WDR19: variants seen among roughly 807,000 people sequenced by gnomAD.
WDR19 encodes WD repeat-containing protein 19.
A neutral mutation model predicts 180.0 loss-of-function variants in WDR19; 121 were observed. The observed-to-expected ratio is 0.67, with a 90% confidence interval of 0.58 to 0.78. WDR19 has a LOEUF of 0.78. WDR19 is among the 30% of genes least tolerant of loss of function. The pLI, the probability that WDR19 is intolerant of heterozygous loss-of-function variation, is 0.00. For missense variants in WDR19, 1,450 were observed against 1,640.7 expected (o/e 0.88, Z 2.01); for synonymous variants, 497 against 540.7 (o/e 0.92, Z 1.12).
chr4:39,200,812 C>G (rs6822527), intron 6 of WDR19, among the ~76,000 whole-genome samples: 147,755 of 152,314 alleles, frequency 0.97, 71,823 homozygotes, highest in Middle Eastern at 1. Context: ...GGCCATCTTA[C>G]AGGCTGCTGA....
At chr4:39,186,662 A>G (rs1486572161) in intron 3 of WDR19, 58 bp downstream of exon 3, 1 of 1,161,144 alleles carries the variant, frequency 8.6e-7, no homozygotes, top group Non-Finnish European at 1.2e-6. Context: ...AAAAGATTAA[A>G]AAAATACTGC....
intron 21 of WDR19, 88 bp downstream of exon 21, chr4:39,240,422 G>C: frequency 1.3e-6 from 1 of 747,192 alleles, no homozygotes; most frequent in Non-Finnish European, 1.9e-6. Flanking sequence ...TATTTGTATT[G>C]TATTTAATAT....
intron 6 of WDR19, among the ~76,000 whole-genome samples, chr4:39,202,286 T>C (rs1158661809): frequency 1.3e-5 from 2 of 152,224 alleles, no homozygotes; most frequent in African/African-American, 4.8e-5. Flanking sequence ...CATCTGTGTA[T>C]ACATTGAGTT....
chr4:39,238,758 C>T (rs755978765), intron 20 of WDR19, among the ~76,000 whole-genome samples: 3 of 150,242 alleles, frequency 2.0e-5, no homozygotes, highest in Admixed American at 2.0e-4. Flanking sequence ...CTTGCCTAAG[C>T]TGATAAAGTA....
intron 4 of WDR19, among the ~76,000 whole-genome samples, chr4:39,191,857 A>G (rs1006526835): frequency 6.6e-6 from 1 of 152,186 alleles, no homozygotes; most frequent in African/African-American, 2.4e-5. Context: ...TGTAACCTGT[A>G]CATTTCCCTA....
chr4:39,221,159 G>T (rs1318057468), intron 14 of WDR19, among the ~76,000 whole-genome samples: 2 of 152,038 alleles, frequency 1.3e-5, no homozygotes, highest in African/African-American at 4.8e-5. Context: ...CATATATCAG[G>T]TAATTTGGTG....
chr4:39,226,870 A>C (rs1371891568), intron 15 of WDR19, among the ~76,000 whole-genome samples: 1 of 152,208 alleles, frequency 6.6e-6, no homozygotes, highest in African/African-American at 2.4e-5. Flanking sequence ...TTAACCCTTG[A>C]GGAATCGCCA....
chr4:39,240,387 G>A (rs1207586070), intron 21 of WDR19, 53 bp downstream of exon 21: 17 of 1,142,352 alleles, frequency 1.5e-5, no homozygotes, highest in Non-Finnish European at 2.0e-5. Flanking sequence ...TTTGTTTTCA[G>A]TTTCATTTTT....
intron 24 of WDR19, among the ~76,000 whole-genome samples, chr4:39,246,849 G>A (rs950459810): frequency 1.4e-4 from 21 of 152,196 alleles, no homozygotes; most frequent in African/African-American, 4.8e-4. Context: ...TAAACAAAGC[G>A]GCCAGGAAGC....
chr4:39,194,659 G>C lies in WDR19; in HGVS notation c.406G>C (p.Gly136Arg). 1 of 1,593,230 alleles carries C rather than the reference G, an allele frequency of 6.3e-7. No individual in the cohort carries two copies. Among genetic ancestry groups the C allele is most frequent in the Non-Finnish European group, 8.6e-7 (1 of 1,163,042 alleles). The change falls in exon 5 of 37, where the codon GGA becomes CGA. Residue 136 changes from glycine (G) to arginine (R), a missense_variant and splice_region_variant. Transcript: ENST00000399820. ...HQTSRKIPVL[G>R]KHTKRITCGC... ...GACATCTCGAAAGATTCCTGTCCTTGGTAGGTGATAGCTGGAAACACTGCT... is the reference window on the plus strand; with the variant it reads ...GACATCTCGAAAGATTCCTGTCCTTCGTAGGTGATAGCTGGAAACACTGCT...
At chr4:39,284,331 A>ATTTTTTTTTTTTTTTT (rs143848496) in intron 36 of WDR19, among the ~76,000 whole-genome samples, 1 of 91,530 alleles carries the variant, frequency 1.1e-5, no homozygotes, top group African/African-American at 4.5e-5. Context: ...AGTAAAAAAA[A>ATTTTTTTTTTTTTTTT]TTTTTTTTTT....
In WDR19 at chr4:39,204,429, A is replaced by G. The variant is rs139581553; in HGVS notation, c.603+707A>G. Among the ~76,000 whole-genome samples, 32 of 152,312 alleles carry G rather than the reference A, an allele frequency of 2.1e-4. 1 individual carries two copies. In the East Asian group the frequency reaches 3.5e-3, roughly 17 times the overall value. Reference sequence around the variant, plus strand: ...AATACTTAGATGCATCTTCCCTGCCACATCTTAACATTCTGAAATCAGTAT... The same window carrying G: ...AATACTTAGATGCATCTTCCCTGCCGCATCTTAACATTCTGAAATCAGTAT... On this transcript the variant is annotated intron_variant, in intron 7 of 36. Coordinates refer to ENST00000399820, the MANE Select transcript of WDR19 (RefSeq NM_025132.4).
At chr4:39,251,622 G>T (rs1008792426) in intron 24 of WDR19, among the ~76,000 whole-genome samples, 53 of 152,024 alleles carry the variant, frequency 3.5e-4, no homozygotes, top group Non-Finnish European at 6.8e-4. Flanking sequence ...TCTGACAAAG[G>T]GCTAATATCC....
At chr4:39,282,431 CTT>C (rs1367782551) in intron 36 of WDR19, among the ~76,000 whole-genome samples, 3 of 152,152 alleles carry the variant, frequency 2.0e-5, no homozygotes, top group East Asian at 1.9e-4. Context: ...GAGTTTCACT[CTT>C]GTCGCCCAGG....
At chr4:39,183,776 G>A (rs1300936424) in intron 1 of WDR19, among the ~76,000 whole-genome samples, 1 of 152,144 alleles carries the variant, frequency 6.6e-6, no homozygotes, top group Non-Finnish European at 1.5e-5. Flanking sequence ...CAGCTAATAA[G>A]CTACAAACAA....
intron 13 of WDR19, 105 bp downstream of exon 13, chr4:39,217,345 T>A: frequency 2.2e-6 from 2 of 903,862 alleles, no homozygotes; most frequent in Non-Finnish European, 3.4e-6. Context: ...ACAGACTAAC[T>A]AGAAAGCCAA....
At chr4:39,221,046 A>G (rs764417916) in intron 14 of WDR19, among the ~76,000 whole-genome samples, 2 of 151,724 alleles carry the variant, frequency 1.3e-5, no homozygotes, top group Non-Finnish European at 2.9e-5. Context: ...TTAAAAGAAC[A>G]TGTTTTAAAG....
Position 39,245,390 on chromosome 4 carries a change from G to A in WDR19, c.2667G>A (p.Leu889=), listed in dbSNP as rs745318114. ...SKNWAKVGDL[L]PHVSSPKIHL... The stretch of plus-strand genomic sequence containing the variant: ...CCAGGGCAAAAGTTGGTGATCTTCT[G>A]CCCCACGTTTCTTCTCCTAAGATCC... Residue 889 remains leucine, a synonymous_variant, in exon 24 of 37, where the codon CTG becomes CTA. Transcript: ENST00000399820. 3 of 1,613,546 alleles carry A rather than the reference G, an allele frequency of 1.9e-6. No homozygotes were observed. The highest frequency in any genetic ancestry group is 2.5e-6 in the Non-Finnish European group (3 of 1,179,740).
At chr4:39,185,844 A>G (rs1001568564) in intron 2 of WDR19, 27 bp downstream of exon 2, 1 of 1,526,280 alleles carries the variant, frequency 6.6e-7, no homozygotes, top group Non-Finnish European at 8.9e-7. Flanking sequence ...TGTTTTAAGC[A>G]GTGGTTGCAT....
Sources: gnomAD v4.1 joint callset for allele counts (sites outside exome capture counted in the v4.1 genomes callset) on GRCh38, gnomAD v4.1.1 for gene constraint, MANE v1.5 for transcripts, NCBI Gene and HGNC (gene_info 2026-07-23, HGNC 2026-07-21) for gene names.